The following CCDC93 variants were observed in gnomAD, a reference collection of about 807,000 sequenced individuals.
CCDC93 encodes coiled-coil domain-containing protein 93.
In CCDC93, 61 loss-of-function variants were observed where a neutral mutation model predicts 108.2. That is an observed-to-expected ratio of 0.56 (90% CI 0.46 to 0.70). The LOEUF is 0.70. Ranked by LOEUF, CCDC93 falls within the 30% of genes least tolerant of loss-of-function variation. The probability of loss-of-function intolerance (pLI) is 0.00; values close to 1 mark genes in which losing one functional copy is unlikely to be tolerated. For missense variants in CCDC93, 685 were observed against 764.2 expected (o/e 0.90, Z 1.22); for synonymous variants, 276 against 260.4 (o/e 1.06, Z -0.58).
intron 12 of CCDC93, among the ~76,000 whole-genome samples, chr2:117,955,810 A>G (rs1182182680): frequency 6.6e-6 from 1 of 152,174 alleles, no homozygotes; most frequent in Non-Finnish European, 1.5e-5. Context: ...AAGTGAAATA[A>G]AAACTCAATT....
Position 117,973,962 on chromosome 2 carries a change from A to C in CCDC93, c.834T>G (p.Ile278Met). 6.2e-7 allele frequency: 1 copy of C among 1,612,274 alleles called. No homozygotes were observed. The highest frequency in any genetic ancestry group is 8.5e-7 in the Non-Finnish European group (1 of 1,179,240). Residue 278 changes from isoleucine (I) to methionine (M), a missense_variant, in exon 11 of 24, where the codon ATT becomes ATG. Transcript: ENST00000376300. ...SRLTASSVGQ[I>M]VGLCSAEIKQ... is the part of the protein sequence containing the mutation. ...TGATCTCAGCAGAGCAGAGTCCCAC[A>C]ATCTGGCCCACGGAGCTTGCGGTGA...
intron 15 of CCDC93, among the ~76,000 whole-genome samples, chr2:117,947,229 CT>C (rs2104738389): frequency 6.6e-6 from 1 of 152,338 alleles, no homozygotes; most frequent in Admixed American, 6.5e-5. Context: ...AGCTGTCCAT[CT>C]TCCAGCCTGG....
chr2:118,011,478 A>G (rs979999057), intron 1 of CCDC93, among the ~76,000 whole-genome samples: 4 of 152,206 alleles, frequency 2.6e-5, no homozygotes, highest in Non-Finnish European at 5.9e-5. Flanking sequence ...TCTGCAAAAA[A>G]TCTGGGATGG....
intron 23 of CCDC93, among the ~76,000 whole-genome samples, chr2:117,920,740 T>A (rs185264078): frequency 1.3e-3 from 191 of 151,462 alleles, no homozygotes; most frequent in Non-Finnish European, 2.2e-3. Context: ...GGTGAGGGAG[T>A]GGGGAAAGGC....
chr2:117,985,947 T>C, intron 7 of CCDC93, 22 bp downstream of exon 7: 1 of 1,428,660 alleles, frequency 7.0e-7, no homozygotes, highest in Non-Finnish European at 9.9e-7. Context: ...AAGAGACACC[T>C]AGACTGGGTC....
chr2:117,935,462 C>T (rs771709249), intron 22 of CCDC93, 33 bp downstream of exon 22: 8 of 1,527,068 alleles, frequency 5.2e-6, no homozygotes, highest in Non-Finnish European at 7.3e-6. Context: ...ACTATAAAAC[C>T]TGGGCTGCAT....
intron 11 of CCDC93, among the ~76,000 whole-genome samples, 172 bp from the exon 12 acceptor site, chr2:117,958,653 T>C (rs992370948): frequency 6.6e-6 from 1 of 152,156 alleles, no homozygotes; most frequent in Non-Finnish European, 1.5e-5. Flanking sequence ...TCTGACACAA[T>C]GACCAAAATC....
intron 23 of CCDC93, among the ~76,000 whole-genome samples, chr2:117,923,045 T>A (rs972016034): frequency 2.6e-5 from 4 of 152,092 alleles, no homozygotes; most frequent in Admixed American, 6.5e-5. Context: ...ACAATTATTT[T>A]CTAAGACAAT....
chr2:117,925,694 TCAAC>T (rs1678062315), intron 23 of CCDC93, among the ~76,000 whole-genome samples: 1 of 152,024 alleles, frequency 6.6e-6, no homozygotes, highest in Non-Finnish European at 1.5e-5. Context: ...CACCCCACTG[TCAAC>T]ATTAGATCAA....
intron 17 of CCDC93, chr2:117,944,905 T>C: frequency 2.3e-6 from 1 of 441,148 alleles, no homozygotes; most frequent in Non-Finnish European, 4.6e-6. Flanking sequence ...CTCTTTCTTC[T>C]GGAGGGTTTT....
At chr2:117,943,902 G>C (rs1678783120) in intron 18 of CCDC93, 122 bp downstream of exon 18, 1 of 598,014 alleles carries the variant, frequency 1.7e-6, no homozygotes, top group South Asian at 2.7e-5. Context: ...GAAGACTGGG[G>C]AACAGCAGCC....
At chr2:117,950,637 G>C in intron 13 of CCDC93, 1 of 985,456 alleles carries the variant, frequency 1.0e-6, no homozygotes, top group Non-Finnish European at 1.2e-6. Flanking sequence ...AGGGTTCAGA[G>C]CGCTCATTCT....
At chr2:117,938,478 T>C (rs2104725385) in intron 20 of CCDC93, among the ~76,000 whole-genome samples, 1 of 149,278 alleles carries the variant, frequency 6.7e-6, no homozygotes, top group South Asian at 2.1e-4. Context: ...GGCACATGTA[T>C]ACATATGTAA....
intron 1 of CCDC93, among the ~76,000 whole-genome samples, chr2:118,010,613 C>T (rs1676998402): frequency 6.6e-6 from 1 of 152,058 alleles, no homozygotes; most frequent in African/African-American, 2.4e-5. Flanking sequence ...ATTTGTTTTG[C>T]TCATCCCTTC....
At chr2:117,965,650 T>C (rs1156847017) in intron 11 of CCDC93, among the ~76,000 whole-genome samples, 2 of 152,216 alleles carry the variant, frequency 1.3e-5, no homozygotes, top group East Asian at 1.9e-4. Context: ...AGCCACTTTA[T>C]AGGCATACAA....
rs781772141 is a variant in CCDC93, at chr2:117,958,378, T to C, written c.992A>G (p.Lys331Arg). 6.9e-6 allele frequency: 11 copies of C among 1,600,660 alleles called. No individual in the cohort carries two copies. The highest frequency in any genetic ancestry group is 9.4e-6 in the Non-Finnish European group (11 of 1,167,656). Residue 331 changes from lysine to arginine, a missense_variant, in exon 12 of 24, where the codon AAA becomes AGA. Transcript: ENST00000376300. ...SLNKQIAQKTKHLEELRASHT... is the reference protein window; with the variant it reads ...SLNKQIAQKTRHLEELRASHT... ...GAAAACACTGACCTCTTCAAGATGT[T>C]TGGTCTTTTGCGCAATCTGTTTGTT...
intron 13 of CCDC93, chr2:117,950,765 A>G (rs2104743860): frequency 1.0e-6 from 1 of 985,456 alleles, no homozygotes; most frequent in East Asian, 1.1e-4. Flanking sequence ...GGTTTTATAC[A>G]GCTTCCCATT....
rs1377944835 is a variant in CCDC93 at position 117,918,300 on chromosome 2, A to C, written c.*2043T>G. 2.0e-5 allele frequency: 3 copies of C among 152,116 alleles called. No individual in the cohort carries two copies. Among genetic ancestry groups the C allele is most frequent in the Non-Finnish European group, 1.5e-5 (1 of 68,012 alleles). The allele number at this position is 152,116 out of a possible 1,614,324, so 9.4% of individuals were successfully genotyped here. On this transcript the variant is annotated 3_prime_UTR_variant, in exon 24 of 24. Coordinates refer to ENST00000376300, the MANE Select transcript of CCDC93 (RefSeq NM_019044.5). The stretch of plus-strand genomic sequence containing the variant: ...AGGCAACAAAAACTGATTTATCCGT[A>C]GTAGGCCTTGTCGATAAAAAAAAAA...
rs116826954 is a variant in CCDC93 at position 117,995,926 on chromosome 2, T to C, written c.462+338A>G. ...AGACTAGCATGTAGTAAATACATGA[T>C]GGCTATTAGCTATTATTGTTTTTAA... On this transcript the variant is annotated intron_variant, in intron 5 of 23. Transcript: ENST00000376300. The C allele has an allele frequency of 2.5e-3, 395 of 157,150 alleles. 3 individuals are homozygous for C. Among genetic ancestry groups the C allele is most frequent in the African/African-American group, 8.9e-3 (372 of 41,752 alleles). 9.7% of individuals were successfully genotyped at this position (157,150 alleles called of 1,614,324 possible). A position where few individuals can be genotyped will look rare whatever the true frequency, so the allele number is the denominator to read the frequency against.
Sources: allele counts gnomAD v4.1 joint callset (sites outside exome capture counted in the v4.1 genomes callset), GRCh38; gene constraint gnomAD v4.1.1; transcripts MANE v1.5; gene names NCBI Gene and HGNC (gene_info 2026-07-23, HGNC 2026-07-21).